Variants in TENM2 observed in about 807,000 individuals in gnomAD.
The protein encoded by TENM2 is teneurin transmembrane protein 2.
TENM2 carries 52 observed loss-of-function variants against 245.2 expected under a neutral mutation model. The observed-to-expected ratio is 0.21, with a 90% CI of 0.17 to 0.27. The LOEUF (loss-of-function observed/expected upper bound fraction) is 0.27. TENM2 is among the 10% of genes least tolerant of loss of function. The probability of loss-of-function intolerance (pLI) is 1.00; values close to 1 mark genes in which losing one functional copy is unlikely to be tolerated. For missense variants in TENM2, 3,046 were observed against 3,666.8 expected, an observed-to-expected ratio of 0.83 and a Z score of 4.37; for synonymous variants, 1,363 against 1,438.9, an observed-to-expected ratio of 0.95 and a Z score of 1.19.
At chr5:167,311,160 C>T (rs1756009328) in intron 1 of TENM2, among the ~76,000 whole-genome samples, 1 of 152,128 alleles carries the variant, frequency 6.6e-6, no homozygotes, top group Non-Finnish European at 1.5e-5. Flanking sequence ...GAGCAGGGGA[C>T]AGGTGCCAGA....
intron 2 of TENM2, among the ~76,000 whole-genome samples, chr5:167,557,983 T>C (rs890507134): frequency 4.2e-4 from 64 of 152,262 alleles, no homozygotes; most frequent in Non-Finnish European, 1.3e-4. Context: ...TTGGAACTGC[T>C]GTGCAACAGG....
Position 168,191,390 on chromosome 5 carries a change from A to G in TENM2, c.2780+843A>G, listed in dbSNP as rs187899943. Among the ~76,000 whole-genome samples the G allele has an allele frequency of 1.9e-4, 29 of 152,234 alleles. 1 individual carries two copies. The East Asian group carries it at 3.5e-3, about 18-fold the overall frequency. ...GGTAGGAGAGGCTGGGGGTCTTCTT[A>G]TGGCTTGGCCATGCTTGATCTTCCT... On this transcript the variant is annotated intron_variant, in intron 14 of 28. Coordinates refer to ENST00000518659, the Ensembl canonical transcript of TENM2.
intron 23 of TENM2, among the ~76,000 whole-genome samples, chr5:168,224,633 A>G (rs1223910393): frequency 6.6e-6 from 1 of 152,104 alleles, no homozygotes; most frequent in African/African-American, 2.4e-5. Context: ...TCCTTCTCTG[A>G]GGACCCCCCA....
chr5:167,438,639 C>A (rs370331768), intron 2 of TENM2, among the ~76,000 whole-genome samples: 1 of 152,094 alleles, frequency 6.6e-6, no homozygotes, highest in African/African-American at 2.4e-5. Context: ...CCTCGTGATT[C>A]GTCCGCCTTG....
At chr5:167,271,183 C>G in the TENM2 span, among the ~76,000 whole-genome samples, 3 of 152,026 alleles carry the variant, frequency 2.0e-5, no homozygotes, top group African/African-American at 7.2e-5. Flanking sequence ...GCTGCCTCTC[C>G]GAAAGCTCTG....
At chr5:167,127,023 A>G in the TENM2 span, among the ~76,000 whole-genome samples, 1 of 149,552 alleles carries the variant, frequency 6.7e-6, no homozygotes, top group South Asian at 2.1e-4. Context: ...TTTTTTTTTC[A>G]CCTGCCTTTA....
the TENM2 span, among the ~76,000 whole-genome samples, chr5:167,009,020 T>C: frequency 2.6e-4 from 39 of 152,186 alleles, no homozygotes; most frequent in African/African-American, 8.9e-4. Flanking sequence ...AAGTGTGTGG[T>C]TGTCAAGCAT....
At chr5:167,905,176 CTG>C (rs1169972794) in intron 3 of TENM2, among the ~76,000 whole-genome samples, 6 of 152,186 alleles carry the variant, frequency 3.9e-5, no homozygotes, top group African/African-American at 1.2e-4. Context: ...GCGAACATAA[CTG>C]TTTCCTAGAA....
chr5:168,245,163 C>T (rs745757733), intron 26 of TENM2, among the ~76,000 whole-genome samples: 66 of 144,734 alleles, frequency 4.6e-4, no homozygotes, highest in Middle Eastern at 3.8e-3. Flanking sequence ...CCTGCTCCCA[C>T]CCTCACAGAG....
At chr5:167,457,047 C>G (rs996840256) in intron 2 of TENM2, among the ~76,000 whole-genome samples, 1 of 152,078 alleles carries the variant, frequency 6.6e-6, no homozygotes, top group Non-Finnish European at 1.5e-5. Flanking sequence ...TTACCTTAGA[C>G]AAAAATGTAA....
chr5:167,510,012 A>G (rs1306056370), intron 2 of TENM2, among the ~76,000 whole-genome samples: 2 of 152,188 alleles, frequency 1.3e-5, no homozygotes, highest in Non-Finnish European at 2.9e-5. Context: ...GTCTTTCACT[A>G]TCAATGTTTT....
rs979465560 is a variant in TENM2 at position 167,344,248 on chromosome 5, A to G, written c.227-30950A>G. Among the ~76,000 whole-genome samples, 6 of 149,068 alleles carry G rather than the reference A, an allele frequency of 4.0e-5. 1 individual carries two copies. Among genetic ancestry groups the G allele is most frequent in the Admixed American group, 2.7e-4 (4 of 14,768 alleles). ...ATAAAGCATTTTGGAGATAATATATATAACAGAGAATACACAAACACATGC... is the reference window on the plus strand; with the variant it reads ...ATAAAGCATTTTGGAGATAATATATGTAACAGAGAATACACAAACACATGC... On this transcript the variant is annotated intron_variant, in intron 1 of 28. Transcript: ENST00000518659.
At chr5:167,114,453 A>G in the TENM2 span, among the ~76,000 whole-genome samples, 7 of 152,230 alleles carry the variant, frequency 4.6e-5, no homozygotes, top group South Asian at 2.1e-4. Flanking sequence ...TTTCACTTGT[A>G]TTATCAGGAA....
At chr5:168,175,293 T>A (rs1759256822) in intron 13 of TENM2, among the ~76,000 whole-genome samples, 1 of 152,196 alleles carries the variant, frequency 6.6e-6, no homozygotes, top group Non-Finnish European at 1.5e-5. Flanking sequence ...TCTAAAAACA[T>A]ACACTGCCTT....
At chr5:167,577,258 G>GGGGAC (rs1267816662) in intron 2 of TENM2, among the ~76,000 whole-genome samples, 1 of 152,174 alleles carries the variant, frequency 6.6e-6, no homozygotes, top group Non-Finnish European at 1.5e-5. Flanking sequence ...CCAATGAGAG[G>GGGGAC]GGGACGTAGG....
intron 25 of TENM2, among the ~76,000 whole-genome samples, chr5:168,238,221 GAAGAAAAGAA>G (rs1182778870): frequency 0.059 from 1,431 of 24,238 alleles, 70 homozygotes; most frequent in Middle Eastern, 0.095. Context: ...GAGGGAGAGA[GAAGAAAAGAA>G]AAGAAAAGAA....
the TENM2 span, among the ~76,000 whole-genome samples, chr5:167,208,490 A>G: frequency 6.6e-6 from 1 of 152,218 alleles, no homozygotes; most frequent in African/African-American, 2.4e-5. Flanking sequence ...TCAGCATACA[A>G]CAAAACGAAC....
intron 2 of TENM2, among the ~76,000 whole-genome samples, chr5:167,465,030 A>C (rs1365172874): frequency 6.6e-6 from 1 of 152,200 alleles, no homozygotes; most frequent in Non-Finnish European, 1.5e-5. Flanking sequence ...GAAAGTTTTA[A>C]AGCACCGTTC....
At chr5:167,272,511 C>T in the TENM2 span, among the ~76,000 whole-genome samples, 1 of 152,248 alleles carries the variant, frequency 6.6e-6, no homozygotes, top group East Asian at 1.9e-4. Flanking sequence ...ACATGCTCAT[C>T]CAATAAAACT....
Sources: gnomAD v4.1 joint callset for allele counts (sites outside exome capture counted in the v4.1 genomes callset) on GRCh38, gnomAD v4.1.1 for gene constraint, MANE v1.5 for transcripts, NCBI Gene and HGNC (gene_info 2026-07-23, HGNC 2026-07-21) for gene names.